ARF1: variants seen among roughly 807,000 people sequenced by gnomAD.
ARF1 encodes the protein ADP-ribosylation factor 1.
Under a neutral mutation model 18.0 loss-of-function variants are expected in ARF1, and 1 was observed. That is an observed-to-expected ratio of 0.06 (90% confidence interval 0.02 to 0.26). The LOEUF is 0.26. ARF1 is among the 10% of genes least tolerant of loss of function. ARF1 has a pLI of 1.00. For synonymous variants in ARF1, 112 were observed against 96.3 expected (o/e 1.16, Z -0.95); for missense variants, 73 against 247.2 (o/e 0.30, Z 4.73).
rs1571835899 is a variant in ARF1 at position 228,087,523 on chromosome 1, T to C, written c.-38+4758T>C. Among the ~76,000 whole-genome samples, 6 of 152,282 alleles carry C rather than the reference T, an allele frequency of 3.9e-5. No homozygotes were observed. In the South Asian group the frequency reaches 1.2e-3, roughly 32 times the overall value. Reference sequence around the variant, plus strand: ...TGTGGCTCACACCTGTGTAGTGCAATCTACTTGGGAGGCTGAGGCAGGAGA... The same window carrying C: ...TGTGGCTCACACCTGTGTAGTGCAACCTACTTGGGAGGCTGAGGCAGGAGA... On this transcript the variant is annotated intron_variant, in intron 1 of 4. Coordinates refer to ENST00000272102, the MANE Select transcript of ARF1 (RefSeq NM_001658.4).
intron 1 of ARF1, among the ~76,000 whole-genome samples, chr1:228,084,051 C>G (rs1438966926): frequency 2.6e-5 from 4 of 152,238 alleles, no homozygotes; most frequent in Admixed American, 2.6e-4. Flanking sequence ...GCTGGTGGTT[C>G]TGGCGTTTTC....
Position 228,095,736 on chromosome 1 carries a change from C to T in ARF1, c.-37-1342C>T, listed in dbSNP as rs181583151. Among the ~76,000 whole-genome samples, 132 of 152,254 alleles carry T rather than the reference C, an allele frequency of 8.7e-4. No homozygotes were observed. In the Middle Eastern group the frequency reaches 0.01, roughly 12 times the overall value. Reference sequence around the variant, plus strand: ...GGTCTTCCTCCCTTTTCTCTCTGCCCTTCAAGGCGTGTGTGTCATTTTGGT... The same window carrying T: ...GGTCTTCCTCCCTTTTCTCTCTGCCTTTCAAGGCGTGTGTGTCATTTTGGT... On this transcript the variant is annotated intron_variant, in intron 1 of 4. Coordinates refer to ENST00000272102, the MANE Select transcript of ARF1 (RefSeq NM_001658.4).
intron 1 of ARF1, among the ~76,000 whole-genome samples, chr1:228,085,259 C>T (rs932697203): frequency 1.3e-5 from 2 of 152,256 alleles, no homozygotes; most frequent in African/African-American, 2.4e-5. Flanking sequence ...GATTCCAGGA[C>T]TTGCCTTCAT....
chr1:228,085,673 A>G (rs1396400696), intron 1 of ARF1, among the ~76,000 whole-genome samples: 2 of 152,270 alleles, frequency 1.3e-5, no homozygotes, highest in Non-Finnish European at 1.5e-5. Flanking sequence ...GAGAAGAGAC[A>G]GGGAAAGCAT....
intron 1 of ARF1, chr1:228,088,383 T>A (rs1248438830): frequency 2.0e-5 from 3 of 152,136 alleles, no homozygotes; most frequent in Admixed American, 6.5e-5. Context: ...GGTCCGCGGT[T>A]CCCAGAAAAA....
intron 1 of ARF1, among the ~76,000 whole-genome samples, chr1:228,093,555 C>T (rs145096108): frequency 8.6e-5 from 13 of 151,722 alleles, no homozygotes; most frequent in African/African-American, 2.7e-4. Context: ...CAGGTTCACC[C>T]ATCCTGGTTC....
At position 228,098,105 on chromosome 1, in the gene ARF1, T is replaced by A; in HGVS notation, c.*92T>A. 1 of 1,488,040 alleles carries A rather than the reference T, an allele frequency of 6.7e-7. No individual in the cohort carries two copies. The allele number at this position is 1,488,040 out of a possible 1,614,324, so 92.2% of individuals were successfully genotyped here. On this transcript the variant is annotated 3_prime_UTR_variant, in exon 5 of 5. Coordinates refer to ENST00000272102, the MANE Select transcript of ARF1 (RefSeq NM_001658.4). ...CGTGGTGTGAGTGCCAGAAGCTGCC[T>A]CCGTGGTTTGGTCACCGTGTGCATC... is the stretch of plus-strand genomic sequence containing the variant.
chr1:228,089,283 C>G lies in ARF1; in HGVS notation c.-38+6518C>G, dbSNP rs2032498317. On this transcript the variant is annotated intron_variant, in intron 1 of 4. Coordinates refer to ENST00000272102, the MANE Select transcript of ARF1 (RefSeq NM_001658.4). The surrounding 1 kb of genome is among the most constrained non-coding windows in gnomAD (Gnocchi z 4.1). The stretch of plus-strand genomic sequence containing the variant: ...TTGAAGGGAGGTCCCCAGAGTGTCC[C>G]CGGGGTGTGCCTTTCTCTCACCTAG... Among the ~76,000 whole-genome samples the G allele has an allele frequency of 6.6e-6, 1 of 152,110 alleles. No individual in the cohort carries two copies. Among genetic ancestry groups the G allele is most frequent in the Non-Finnish European group, 1.5e-5 (1 of 68,018 alleles).
chr1:228,098,244 C>CT lies in ARF1; in HGVS notation c.*238dup, dbSNP rs1161925664. 1.6e-5 allele frequency: 7 copies of CT among 449,900 alleles called. No individual in the cohort carries two copies. Among genetic ancestry groups the CT allele is most frequent in the Middle Eastern group, 1.1e-3 (2 of 1,746 alleles). The allele number at this position is 449,900 out of a possible 1,614,324, so 27.9% of individuals were successfully genotyped here. On this transcript the variant is annotated 3_prime_UTR_variant, in exon 5 of 5. Transcript: ENST00000272102. ...GGTACTCCTATGCAATATTACTCAGCTTTTTTTATTGTAAAAAGAAAAATC... is the reference window on the plus strand; with the variant it reads ...GGTACTCCTATGCAATATTACTCAGCTTTTTTTTATTGTAAAAAGAAAAATC...
chr1:228,083,384 C>CAG (rs1466301527), intron 1 of ARF1: 1 of 152,372 alleles, frequency 6.6e-6, no homozygotes, highest in African/African-American at 2.4e-5. Flanking sequence ...GGTACCGGGT[C>CAG]AGGGGTGGTG....
chr1:228,098,205 A>G lies in ARF1; in HGVS notation c.*192A>G, dbSNP rs935949419. The G allele has an allele frequency of 6.4e-6, 4 of 622,860 alleles. No homozygotes were observed. Among genetic ancestry groups the G allele is most frequent in the African/African-American group, 3.7e-5 (2 of 53,496 alleles). 38.6% of individuals were successfully genotyped at this position (622,860 alleles called of 1,614,324 possible). Reference sequence around the variant, plus strand: ...TTAATGTAAATAGTTTTTGTTTCCAATGAGGCAGTTTCTGGTACTCCTATG... The same window carrying G: ...TTAATGTAAATAGTTTTTGTTTCCAGTGAGGCAGTTTCTGGTACTCCTATG... On this transcript the variant is annotated 3_prime_UTR_variant, in exon 5 of 5. Coordinates refer to ENST00000272102, the MANE Select transcript of ARF1 (RefSeq NM_001658.4).
At chr1:228,090,465 G>A (rs1404351949) in intron 1 of ARF1, 1 of 152,270 alleles carries the variant, frequency 6.6e-6, no homozygotes, top group Non-Finnish European at 1.5e-5. Context: ...TAGGGGTGCT[G>A]TGTTTCTTAG....
At position 228,097,957 on chromosome 1, in the gene ARF1, G is replaced by T; in HGVS notation, c.490G>T (p.Asp164Tyr). 6.2e-7 allele frequency: 1 copy of T among 1,614,164 alleles called. No individual in the cohort carries two copies. The highest frequency in any genetic ancestry group is 8.5e-7 in the Non-Finnish European group (1 of 1,180,042). The change falls in exon 5 of 5, where the codon GAC becomes TAC. Residue 164 changes from aspartate to tyrosine, a missense_variant. Coordinates refer to ENST00000272102, the MANE Select transcript of ARF1 (RefSeq NM_001658.4). The surrounding 1 kb of genome is among the most constrained non-coding windows in gnomAD (Gnocchi z 8.1). The part of the protein sequence containing the change: ...YIQATCATSG[D>Y]GLYEGLDWLS... ...TCAGGCCACCTGCGCCACCAGCGGC[G>T]ACGGGCTCTATGAAGGACTGGACTG...
At chr1:228,093,288 A>G (rs1455917254) in intron 1 of ARF1, among the ~76,000 whole-genome samples, 4 of 152,154 alleles carry the variant, frequency 2.6e-5, no homozygotes, top group Admixed American at 2.0e-4. Context: ...ACCCGTACCA[A>G]GAGGCCCTGG....
rs1002931958 is a variant in ARF1 at position 228,099,094 on chromosome 1, C to T, written c.*1081C>T. On this transcript the variant is annotated 3_prime_UTR_variant, in exon 5 of 5. Transcript: ENST00000272102. Reference sequence around the variant, plus strand: ...TGGTCTATTTGGTGTCGTGGAACCTCTTACTGCTTTCAATACACGATTAGT... The same window carrying T: ...TGGTCTATTTGGTGTCGTGGAACCTTTTACTGCTTTCAATACACGATTAGT... 6.5e-6 allele frequency: 1 copy of T among 152,684 alleles called. No homozygotes were observed. The highest frequency in any genetic ancestry group is 1.5e-5 in the Non-Finnish European group (1 of 68,044). 9.5% of individuals were successfully genotyped at this position (152,684 alleles called of 1,614,324 possible).
chr1:228,083,714 C>T (rs1485250192), intron 1 of ARF1, among the ~76,000 whole-genome samples: 1 of 152,250 alleles, frequency 6.6e-6, no homozygotes, highest in African/African-American at 2.4e-5. Flanking sequence ...CCAGCGCTCT[C>T]TCGGAGCACA....
At chr1:228,087,304 A>G (rs952574190) in intron 1 of ARF1, among the ~76,000 whole-genome samples, 2 of 152,264 alleles carry the variant, frequency 1.3e-5, no homozygotes, top group Admixed American at 1.3e-4. Flanking sequence ...CCAAGAAGCT[A>G]TCATCTATAC....
rs746211512 is a variant in ARF1, at chr1:228,097,301, T to TGGGCC, written c.148+40_149-36dup. ...CAGCAGGGAGTGGGCTGGGCTGGGC[T>TGGGCC]GGGCCAAGGTACAAGGCCTCACCCT... On this transcript the variant is annotated intron_variant, in intron 2 of 4. Coordinates refer to ENST00000272102, the MANE Select transcript of ARF1 (RefSeq NM_001658.4). This position sits in a 1 kb window ranked among gnomAD's most constrained non-coding sequence, Gnocchi z 8.1. 1.4e-4 allele frequency: 222 copies of TGGGCC among 1,609,924 alleles called. No homozygotes were observed. Among genetic ancestry groups the TGGGCC allele is most frequent in the Admixed American group, 6.0e-4 (36 of 59,820 alleles).
At chr1:228,085,529 A>G (rs916493388) in intron 1 of ARF1, among the ~76,000 whole-genome samples, 1 of 152,220 alleles carries the variant, frequency 6.6e-6, no homozygotes, top group Admixed American at 6.5e-5. Context: ...GATAAGCCAT[A>G]AAGTCCTTGA....
Sources: gnomAD v4.1 joint callset for allele counts (sites outside exome capture counted in the v4.1 genomes callset) on GRCh38, gnomAD v4.1.1 for gene constraint, Gnocchi (gnomAD v3.1) non-coding constraint, MANE v1.5 for transcripts, NCBI Gene and HGNC (gene_info 2026-07-23, HGNC 2026-07-21) for gene names.